The following UMAD1 variants were observed in gnomAD, a reference collection of about 807,000 sequenced individuals.
The protein encoded by UMAD1 is UBAP1-MVB12-associated (UMA)-domain containing protein 1.
Under a neutral mutation model 6.1 loss-of-function variants are expected in UMAD1, and 8 were observed. That is an observed-to-expected ratio of 1.30 (90% CI 0.76 to 2.35). UMAD1 has a LOEUF of 2.35. Ranked by LOEUF, UMAD1 falls within the 30% of genes most tolerant of loss-of-function variation. UMAD1 has a pLI of 0.00. For synonymous variants in UMAD1, 56 were observed against 31.4 expected (o/e 1.78, Z -2.61); for missense variants, 130 against 78.4 (o/e 1.66, Z -2.49).
intron 3 of UMAD1, among the ~76,000 whole-genome samples, chr7:7,863,329 A>G (rs1784149141): frequency 6.6e-6 from 1 of 152,182 alleles, no homozygotes; most frequent in African/African-American, 2.4e-5. Context: ...AATACATGTG[A>G]AACTACTTTG....
intron 1 of UMAD1, among the ~76,000 whole-genome samples, chr7:7,655,286 C>T (rs1227365785): frequency 1.1e-4 from 16 of 151,974 alleles, no homozygotes; most frequent in Admixed American, 9.8e-4. Context: ...TCCTGTATTG[C>T]GTTTAAGGAT....
chr7:7,837,036 TATA>T (rs2115310577), intron 3 of UMAD1, among the ~76,000 whole-genome samples: 1 of 151,290 alleles, frequency 6.6e-6, no homozygotes, highest in South Asian at 2.1e-4. Flanking sequence ...ACATTAGACA[TATA>T]ATAGTGACTC....
intron 2 of UMAD1, among the ~76,000 whole-genome samples, chr7:7,728,439 G>T (rs761018374): frequency 1.3e-5 from 2 of 152,178 alleles, no homozygotes; most frequent in South Asian, 2.1e-4. Flanking sequence ...AGGTCAGGAG[G>T]TTGAGACCAG....
At position 7,815,398 on chromosome 7, in the gene UMAD1, A is replaced by G. The variant is rs574058313; in HGVS notation, c.156+13655A>G. Among the ~76,000 whole-genome samples the G allele has an allele frequency of 1.9e-3, 291 of 152,312 alleles. 1 individual carries two copies. Among genetic ancestry groups the G allele is most frequent in the Middle Eastern group, 6.8e-3 (2 of 294 alleles). ...TGGTTAATGCCTTAAAAATCATGCC[A>G]GAGTAGAGTAGAATTGATTAAATCA... On this transcript the variant is annotated intron_variant, in intron 3 of 3. Coordinates refer to ENST00000682710, the MANE Select transcript of UMAD1 (RefSeq NM_001302348.2).
intron 2 of UMAD1, among the ~76,000 whole-genome samples, chr7:7,795,553 G>T (rs1782659287): frequency 6.6e-6 from 1 of 152,208 alleles, no homozygotes; most frequent in Admixed American, 6.5e-5. Flanking sequence ...AAGAATGGCT[G>T]CCCCACAGGC....
chr7:7,816,288 T>C (rs1378773017), intron 3 of UMAD1, among the ~76,000 whole-genome samples: 1 of 152,228 alleles, frequency 6.6e-6, no homozygotes, highest in Non-Finnish European at 1.5e-5. Flanking sequence ...GTCTCCACTA[T>C]ATAAATAACG....
intron 2 of UMAD1, among the ~76,000 whole-genome samples, chr7:7,720,195 A>T (rs28914837): frequency 0.03 from 4,572 of 152,344 alleles, 89 homozygotes; most frequent in Middle Eastern, 0.051. Flanking sequence ...TAGCTAAAAA[A>T]AATATAGCTT....
chr7:7,645,264 A>G (rs760811861), intron 1 of UMAD1, among the ~76,000 whole-genome samples: 33 of 152,172 alleles, frequency 2.2e-4, no homozygotes, highest in Non-Finnish European at 4.4e-4. Flanking sequence ...TTGAATAGAA[A>G]TAGTGTTTAA....
intron 3 of UMAD1, among the ~76,000 whole-genome samples, chr7:7,820,878 C>T (rs1262650740): frequency 2.0e-5 from 3 of 152,072 alleles, no homozygotes; most frequent in Non-Finnish European, 2.9e-5. Flanking sequence ...GAATATTTCA[C>T]TGAATGTTGG....
chr7:7,767,312 A>G (rs1405115069), intron 2 of UMAD1, among the ~76,000 whole-genome samples: 1 of 151,952 alleles, frequency 6.6e-6, no homozygotes, highest in Non-Finnish European at 1.5e-5. Context: ...TTTTTAGTAG[A>G]GACGGGGTTT....
intron 2 of UMAD1, among the ~76,000 whole-genome samples, chr7:7,709,637 G>T (rs1476357818): frequency 6.6e-6 from 1 of 152,206 alleles, no homozygotes; most frequent in East Asian, 1.9e-4. Context: ...CCTAACAAGG[G>T]TCTGTTTGGT....
At chr7:7,797,247 A>T (rs1446510762) in intron 2 of UMAD1, among the ~76,000 whole-genome samples, 3 of 152,140 alleles carry the variant, frequency 2.0e-5, no homozygotes, top group East Asian at 3.9e-4. Flanking sequence ...ACTCATTACC[A>T]CAGGGAGGGT....
chr7:7,754,448 G>A (rs112660907), intron 2 of UMAD1, among the ~76,000 whole-genome samples: 188 of 151,996 alleles, frequency 1.2e-3, no homozygotes, highest in African/African-American at 4.2e-3. Flanking sequence ...TTTTTTAATC[G>A]GATTATTAGT....
chr7:7,671,469 T>G (rs906407710), intron 1 of UMAD1, among the ~76,000 whole-genome samples: 4 of 152,244 alleles, frequency 2.6e-5, no homozygotes, highest in African/African-American at 9.6e-5. Flanking sequence ...TATTTGATCC[T>G]TAGCTGAGGC....
chr7:7,659,676 T>C (rs1448688424), intron 1 of UMAD1, among the ~76,000 whole-genome samples: 2 of 151,766 alleles, frequency 1.3e-5, no homozygotes, highest in Non-Finnish European at 3.0e-5. Context: ...GAGACTGTTA[T>C]GATTTCCGTT....
At chr7:7,726,457 G>A (rs1475816693) in intron 2 of UMAD1, among the ~76,000 whole-genome samples, 3 of 152,182 alleles carry the variant, frequency 2.0e-5, no homozygotes, top group South Asian at 2.1e-4. Context: ...TAATTACAAC[G>A]CCAATTAGGT....
intron 1 of UMAD1, among the ~76,000 whole-genome samples, chr7:7,658,214 A>C (rs1049135701): frequency 6.6e-6 from 1 of 152,234 alleles, no homozygotes; most frequent in African/African-American, 2.4e-5. Flanking sequence ...TTTTGGGCTG[A>C]GACGATGGGG....
chr7:7,827,177 G>GTATA (rs1554333306), intron 3 of UMAD1, among the ~76,000 whole-genome samples: 1 of 147,180 alleles, frequency 6.8e-6, no homozygotes, highest in Admixed American at 6.7e-5. Context: ...GTGTGTGTGT[G>GTATA]TATCACATGA....
intron 3 of UMAD1, among the ~76,000 whole-genome samples, chr7:7,864,105 T>C (rs1164048215): frequency 7.2e-5 from 11 of 152,224 alleles, no homozygotes; most frequent in Admixed American, 7.2e-4. Context: ...CCATGCCCGA[T>C]TTTATGCAGT....
Sources: allele counts gnomAD v4.1 joint callset (sites outside exome capture counted in the v4.1 genomes callset), GRCh38; gene constraint gnomAD v4.1.1; transcripts MANE v1.5; gene names NCBI Gene and HGNC (gene_info 2026-07-23, HGNC 2026-07-21).